The following RSL1D1 variants were observed in gnomAD, a reference collection of about 807,000 sequenced individuals.
RSL1D1 encodes ribosomal L1 domain containing 1.
A neutral mutation model predicts 44.6 loss-of-function variants in RSL1D1; 34 were observed. The ratio of observed to expected loss-of-function variants is 0.76; its 90% CI spans 0.58 to 1.02. The LOEUF (loss-of-function observed/expected upper bound fraction) is 1.02. Among genes scored for constraint, RSL1D1 ranks in the 50% least tolerant of loss-of-function variants. The pLI, the probability that RSL1D1 is intolerant of heterozygous loss-of-function variation, is 0.00. For synonymous variants in RSL1D1, 271 were observed against 207.4 expected (o/e 1.31, Z -2.63); for missense variants, 767 against 568.1 (o/e 1.35, Z -3.56).
Position 11,851,479 on chromosome 16 carries a change from C to A in RSL1D1, c.34G>T (p.Ala12Ser), listed in dbSNP as rs1414704572. ...EDSASASLSSAAATGTSTSTP... is the reference protein window; with the variant it reads ...EDSASASLSSSAATGTSTSTP... Reference sequence around the variant, plus strand: ...GAGGTGGAGGTTCCAGTAGCGGCTGCAGAAGACAGCGAGGCCGAGGCCGAA... The same window carrying A: ...GAGGTGGAGGTTCCAGTAGCGGCTGAAGAAGACAGCGAGGCCGAGGCCGAA... Residue 12 changes from alanine (A) to serine (S), a missense_variant, in exon 1 of 9, where the codon GCA (alanine) becomes TCA (serine). Physicochemically the swap from Ala to Ser is moderately conservative, Grantham distance 99. Coordinates refer to ENST00000571133, the MANE Select transcript of RSL1D1 (RefSeq NM_015659.3). 2 of 1,614,058 alleles carry A rather than the reference C, an allele frequency of 1.2e-6. No individual in the cohort carries two copies. Among genetic ancestry groups the A allele is most frequent in the South Asian group, 1.1e-5 (1 of 91,090 alleles).
At chr16:11,841,881 C>A in intron 6 of RSL1D1, 26 bp downstream of exon 6, 1 of 1,611,144 alleles carries the variant, frequency 6.2e-7, no homozygotes, top group Non-Finnish European at 8.5e-7. Context: ...AATGAACAAT[C>A]AATTGATGCA....
chr16:11,839,627 C>T, intron 8 of RSL1D1, 68 bp downstream of exon 8: 1 of 1,577,900 alleles, frequency 6.3e-7, no homozygotes, highest in Non-Finnish European at 8.6e-7. Flanking sequence ...TATTGCTCAG[C>T]ACAGTACCTG....
At chr16:11,849,302 G>C (rs891021323) in intron 2 of RSL1D1, 4 of 151,512 alleles carry the variant, frequency 2.6e-5, no homozygotes, top group Non-Finnish European at 5.9e-5. Flanking sequence ...AGGATCACTT[G>C]AGTCAGGTCA....
chr16:11,835,109 C>G lies in RSL1D1; in HGVS notation c.*2678G>C, dbSNP rs984107881. On this transcript the variant is annotated 3_prime_UTR_variant, in exon 9 of 9. Transcript: ENST00000571133. ...GGGAACAGAGTAAGACCATCTCCCC[C>G]ACTGCCCGCTACTCTCGCTACCAAA... The G allele has an allele frequency of 1.3e-5, 2 of 152,164 alleles. No individual in the cohort carries two copies. Among genetic ancestry groups the G allele is most frequent in the Non-Finnish European group, 1.5e-5 (1 of 68,064 alleles). 9.4% of individuals were successfully genotyped at this position (152,164 alleles called of 1,614,324 possible). A position where few individuals can be genotyped will look rare whatever the true frequency, so the allele number is the denominator to read the frequency against.
Position 11,838,869 on chromosome 16 carries a change from CA to C in RSL1D1, c.1147-757del, listed in dbSNP as rs1020441220. On this transcript the variant is annotated intron_variant, in intron 8 of 8. Coordinates refer to ENST00000571133, the MANE Select transcript of RSL1D1 (RefSeq NM_015659.3). ...GAGACCTTGTCTCAAAAAAAAAAAA[CA>C]AAAAAAAACTGTGAAGACCCAGAGG... Among the ~76,000 whole-genome samples, 4 of 138,158 alleles carry C rather than the reference CA, an allele frequency of 2.9e-5. No individual in the cohort carries two copies. In the East Asian group the frequency reaches 8.3e-4, roughly 29 times the overall value. The allele number at this position is 138,158 out of a possible 152,430, so 90.6% of individuals were successfully genotyped here.
At position 11,839,907 on chromosome 16, in the gene RSL1D1, T is replaced by A. The variant is rs2053752639; in HGVS notation, c.934A>T (p.Thr312Ser). ...RKKKRQQARK[T>S]ASVLSKDDVA... is the part of the protein sequence containing the mutation. The stretch of plus-strand genomic sequence containing the variant: ...TCATCTTTACTAAGAACTGATGCAG[T>A]CTTCCTAGCCTGCTGCCTCTTCTTC... Residue 312 changes from threonine to serine, a missense_variant, in exon 8 of 9, where the codon ACT becomes TCT. Transcript: ENST00000571133. 6.2e-7 allele frequency: 1 copy of A among 1,613,982 alleles called. No individual in the cohort carries two copies. Among genetic ancestry groups the A allele is most frequent in the African/African-American group, 1.3e-5 (1 of 74,924 alleles).
In RSL1D1 at chr16:11,846,527, T is replaced by C. The variant is rs745404317; in HGVS notation, c.609A>G (p.Leu203=). Residue 203 remains leucine, a synonymous_variant, in exon 5 of 9, where the codon TTA becomes TTG. Coordinates refer to ENST00000571133, the MANE Select transcript of RSL1D1 (RefSeq NM_015659.3). Reference sequence around the variant, plus strand: ...TGCAAGAACCACTTTTAGAAATGTTTAAGACTGTTCCACCTATACAGTCAT... The same window carrying C: ...TGCAAGAACCACTTTTAGAAATGTTCAAGACTGTTCCACCTATACAGTCAT... ...EINDCIGGTV[L]NISKSGSCSA... 1.4e-5 allele frequency: 22 copies of C among 1,594,784 alleles called. No homozygotes were observed. The highest frequency in any genetic ancestry group is 1.8e-5 in the Non-Finnish European group (21 of 1,170,860).
chr16:11,851,494 C>A lies in RSL1D1; in HGVS notation c.19G>T (p.Ala7Ser), dbSNP rs749840142. 45 of 1,613,896 alleles carry A rather than the reference C, an allele frequency of 2.8e-5. 1 individual carries two copies. In the South Asian group the frequency reaches 3.2e-4, roughly 11 times the overall value. Reference protein sequence around the residue: MEDSASASLSSAAATGT... With the variant: MEDSASSSLSSAAATGT... ...GTAGCGGCTGCAGAAGACAGCGAGG[C>A]CGAGGCCGAATCCTCCATCTTGTTT... is the stretch of plus-strand genomic sequence containing the variant. The change falls in exon 1 of 9, where the codon GCC (alanine) becomes TCC (serine). Residue 7 changes from alanine to serine, a missense_variant. Transcript: ENST00000571133.
chr16:11,837,696 T>A lies in RSL1D1; in HGVS notation c.*91A>T. ...ATCTTTTAAGTCCAGGCCTGACGTT[T>A]AGAGAAGGTTACAAAGGCGGCCAGG... is the stretch of plus-strand genomic sequence containing the variant. On this transcript the variant is annotated 3_prime_UTR_variant, in exon 9 of 9. Coordinates refer to ENST00000571133, the MANE Select transcript of RSL1D1 (RefSeq NM_015659.3). 1 of 1,186,964 alleles carries A rather than the reference T, an allele frequency of 8.4e-7. No individual in the cohort carries two copies. Among genetic ancestry groups the A allele is most frequent in the Non-Finnish European group, 1.2e-6 (1 of 832,552 alleles). 73.5% of individuals were successfully genotyped at this position (1,186,964 alleles called of 1,614,324 possible).
intron 1 of RSL1D1, 61 bp downstream of exon 1, chr16:11,851,347 C>CT: frequency 6.6e-7 from 1 of 1,515,084 alleles, no homozygotes; most frequent in East Asian, 2.3e-5. Flanking sequence ...TTCCGGCACC[C>CT]TGCGCCTCAC....
At chr16:11,850,163 G>T (rs755989458) in intron 2 of RSL1D1, 116 bp downstream of exon 2, 11 of 1,017,428 alleles carry the variant, frequency 1.1e-5, no homozygotes, top group Non-Finnish European at 1.5e-5. Context: ...TTTACTTCAC[G>T]TCAGATTTTT....
chr16:11,839,381 C>CAAAAAAAAAAAAAAAAAAAAAAGAAAAG (rs35893843), intron 8 of RSL1D1, among the ~76,000 whole-genome samples: 1 of 116,620 alleles, frequency 8.6e-6, no homozygotes. Context: ...AAAAGCAAAG[C>CAAAAAAAAAAAAAAAAAAAAAAGAAAAG]AAAAAAAAAA....
At chr16:11,845,246 G>A (rs1425858087) in intron 5 of RSL1D1, among the ~76,000 whole-genome samples, 1 of 152,122 alleles carries the variant, frequency 6.6e-6, no homozygotes, top group East Asian at 1.9e-4. Flanking sequence ...TTTGTCTAGG[G>A]GTTCAAGTCT....
intron 5 of RSL1D1, 46 bp from the exon 6 acceptor site, chr16:11,842,046 TCAAAATAAACC>T: frequency 7.2e-7 from 1 of 1,388,580 alleles, no homozygotes; most frequent in East Asian, 2.3e-5. Context: ...AAACCATTTT[TCAAAATAAACC>T]AGGCAGGTAT....
At chr16:11,844,354 G>A (rs2053783987) in intron 5 of RSL1D1, among the ~76,000 whole-genome samples, 1 of 152,178 alleles carries the variant, frequency 6.6e-6, no homozygotes, top group Non-Finnish European at 1.5e-5. Flanking sequence ...AGTGGCAGGA[G>A]ACTGCTGCTC....
intron 2 of RSL1D1, among the ~76,000 whole-genome samples, chr16:11,849,874 CAG>C (rs71408206): frequency 2.8e-3 from 419 of 152,080 alleles, no homozygotes; most frequent in South Asian, 9.7e-3. Flanking sequence ...TTTTTTGAGA[CAG>C]AGTCTTGCTC....
chr16:11,847,488 G>C (rs1351295146), intron 3 of RSL1D1, 180 bp downstream of exon 3: 1 of 558,820 alleles, frequency 1.8e-6, no homozygotes, highest in African/African-American at 1.9e-5. Flanking sequence ...GGAATGACAC[G>C]AGCCACCTCT....
At chr16:11,848,800 CTTT>C (rs35932064) in intron 2 of RSL1D1, among the ~76,000 whole-genome samples, 5 of 143,018 alleles carry the variant, frequency 3.5e-5, no homozygotes, top group Non-Finnish European at 6.1e-5. Flanking sequence ...GCCAACATAA[CTTT>C]TTTTTTTTTT....
chr16:11,843,596 T>C lies in RSL1D1; in HGVS notation c.636-1596A>G, dbSNP rs190562523. ...GAATAAATAGTTCTGTGGCTGGGCG[T>C]GGTGGCTCACGCCTGTAATCCCAGC... On this transcript the variant is annotated intron_variant, in intron 5 of 8. Coordinates refer to ENST00000571133, the MANE Select transcript of RSL1D1 (RefSeq NM_015659.3). 1.3e-4 allele frequency among the ~76,000 whole-genome samples: 19 copies of C among 149,398 alleles called. No individual in the cohort carries two copies. In the East Asian group the frequency reaches 2.3e-3, roughly 18 times the overall value.
Sources: gnomAD v4.1 joint callset for allele counts (sites outside exome capture counted in the v4.1 genomes callset) on GRCh38, gnomAD v4.1.1 for gene constraint, MANE v1.5 for transcripts, NCBI Gene and HGNC (gene_info 2026-07-23, HGNC 2026-07-21) for gene names.